Variants in MUC4 observed in about 807,000 individuals in gnomAD.
MUC4 encodes mucin 4, cell surface associated, also known as mucin-4.
MUC4 carries 202 observed loss-of-function variants against 257.9 expected under a neutral mutation model. That is an observed-to-expected ratio of 0.78 (90% CI 0.70 to 0.88). The LOEUF is 0.88. Among genes scored for constraint, MUC4 ranks in the 40% least tolerant of loss-of-function variants. MUC4 has a pLI of 0.00. For missense variants in MUC4, 5,976 were observed against 6,513.7 expected (o/e 0.92, Z 2.84); for synonymous variants, 2,351 against 2,757.1 (o/e 0.85, Z 4.62).
chr3:195,774,901 C>CAAAAAAAAAA (rs10666795), intron 3 of MUC4, among the ~76,000 whole-genome samples: 1 of 118,560 alleles, frequency 8.4e-6, no homozygotes. Context: ...AACTCCATCT[C>CAAAAAAAAAA]AAAAAAAAAA....
rs1215311234 is a variant in MUC4, at chr3:195,761,100, C to T, written c.14632G>A (p.Gly4878Ser). The change falls in exon 16 of 25, where the codon GGC becomes AGC. Residue 4878 changes from glycine (G) to serine (S), a missense_variant. Transcript: ENST00000463781. The part of the protein sequence containing the change: ...FGMTWQINGT[G>S]LLGKRNDQLP... ...TGGTCATTCCTCTTGCCAAGGAGGC[C>T]TGTCCCGTTGATCTGCCCTGTAACA... 1 of 1,614,186 alleles carries T rather than the reference C, an allele frequency of 6.2e-7. No individual in the cohort carries two copies. The highest frequency in any genetic ancestry group is 8.5e-7 in the Non-Finnish European group (1 of 1,180,014).
chr3:195,798,035 T>A (rs1424483066), intron 1 of MUC4, among the ~76,000 whole-genome samples: 1 of 152,182 alleles, frequency 6.6e-6, no homozygotes, highest in Non-Finnish European at 1.5e-5. Flanking sequence ...GGAGGATCAC[T>A]TGAGCCCAAG....
In MUC4 at chr3:195,747,111, T is replaced by C. The variant is rs1715177270; in HGVS notation, c.*65A>G. Reference sequence around the variant, plus strand: ...CCCTTTTCCAGTCTCCCAAAAGCAATGGCGCCTTAAATGTGCGGTAAGGAT... The same window carrying C: ...CCCTTTTCCAGTCTCCCAAAAGCAACGGCGCCTTAAATGTGCGGTAAGGAT... On this transcript the variant is annotated 3_prime_UTR_variant, in exon 25 of 25. Coordinates refer to ENST00000463781, the MANE Select transcript of MUC4 (RefSeq NM_018406.7). 6 of 1,591,748 alleles carry C rather than the reference T, an allele frequency of 3.8e-6. No homozygotes were observed. The South Asian group carries it at 5.6e-5, about 15-fold the overall frequency.
At chr3:195,754,952 G>GTATCCATGTGTGTA (rs145626562) in intron 18 of MUC4, among the ~76,000 whole-genome samples, 3 of 129,282 alleles carry the variant, frequency 2.3e-5, no homozygotes, top group African/African-American at 5.4e-5. Flanking sequence ...ATCCATATGT[G>GTATCCATGTGTGTA]TGTATCCATG....
intron 4 of MUC4, 99 bp downstream of exon 4, chr3:195,774,073 G>A: frequency 7.2e-7 from 1 of 1,383,420 alleles, no homozygotes; most frequent in South Asian, 1.5e-5. Context: ...GCCCAGCCAA[G>A]GCTGCTTCCA....
chr3:195,794,876 A>G (rs539834259), intron 1 of MUC4, among the ~76,000 whole-genome samples: 1 of 152,328 alleles, frequency 6.6e-6, no homozygotes, highest in East Asian at 1.9e-4. Flanking sequence ...AAGCTTCTGC[A>G]CTTCATTAAT....
At chr3:195,791,745 G>A (rs111715737) in intron 1 of MUC4, among the ~76,000 whole-genome samples, 10,822 of 152,190 alleles carry the variant, frequency 0.071, 500 homozygotes, top group Middle Eastern at 0.2. Context: ...TATACTACAA[G>A]GCTACAGTAA....
At chr3:195,799,363 G>T (rs1176987112) in intron 1 of MUC4, among the ~76,000 whole-genome samples, 1 of 152,066 alleles carries the variant, frequency 6.6e-6, no homozygotes, top group Admixed American at 6.6e-5. Context: ...AGGCTGGAGT[G>T]CAACGGCACG....
In MUC4 at chr3:195,783,343, G is replaced by T. The variant is rs1181925271; in HGVS notation, c.8237C>A (p.Ser2746Tyr). The change falls in exon 2 of 25, where the codon TCC becomes TAC. Residue 2746 changes from serine to tyrosine, a missense_variant. Ser to Tyr is a moderately radical substitution (Grantham distance 144). This residue lies in a region of MUC4 where 75 missense variants were observed against 58.7 expected (regional missense o/e 1.28). Coordinates refer to ENST00000463781, the MANE Select transcript of MUC4 (RefSeq NM_018406.7). The stretch of plus-strand genomic sequence containing the variant: ...AGGAAGAGGGGTGGTGTCACCTGTG[G>T]ATACTGAGGAAGTCTCGGTGACAAG... ...PLLVTETSSV[S>Y]TGDTTPLPVT... 2.4e-5 allele frequency: 27 copies of T among 1,128,992 alleles called. No individual in the cohort carries two copies. Among genetic ancestry groups the T allele is most frequent in the African/African-American group, 1.8e-5 (1 of 54,678 alleles). 69.9% of individuals were successfully genotyped at this position (1,128,992 alleles called of 1,614,324 possible). A position where few individuals can be genotyped will look rare whatever the true frequency, so the allele number is the denominator to read the frequency against.
At chr3:195,751,753 A>G (rs1716494085) in intron 21 of MUC4, 1 of 221,166 alleles carries the variant, frequency 4.5e-6, no homozygotes, top group South Asian at 8.9e-5. Flanking sequence ...CTAGGCTTGC[A>G]GTAGTGATAA....
At chr3:195,756,635 C>CT (rs1717716346) in intron 18 of MUC4, among the ~76,000 whole-genome samples, 1 of 127,292 alleles carries the variant, frequency 7.9e-6, no homozygotes, top group Non-Finnish European at 1.6e-5. Flanking sequence ...TCTTTCCCTC[C>CT]TTCTTTCTTT....
At chr3:195,763,839 T>G (rs1286251190) in intron 11 of MUC4, among the ~76,000 whole-genome samples, 198 bp from the exon 12 acceptor site, 1 of 152,142 alleles carries the variant, frequency 6.6e-6, no homozygotes, top group Non-Finnish European at 1.5e-5. Flanking sequence ...CAAGCCTCCT[T>G]GCATTTTCGT....
chr3:195,774,393 C>A, intron 3 of MUC4, 88 bp from the exon 4 acceptor site: 2 of 1,427,158 alleles, frequency 1.4e-6, no homozygotes, highest in Non-Finnish European at 9.2e-7. Flanking sequence ...TCCCTGCAGG[C>A]TGCCCACACC....
intron 1 of MUC4, among the ~76,000 whole-genome samples, chr3:195,807,513 A>G (rs886663347): frequency 2.6e-5 from 4 of 152,102 alleles, no homozygotes; most frequent in African/African-American, 9.7e-5. Context: ...AACAGCAACA[A>G]TAAAAAAACC....
At chr3:195,751,920 C>A in intron 21 of MUC4, 1 of 209,622 alleles carries the variant, frequency 4.8e-6, no homozygotes, top group Non-Finnish European at 9.7e-6. Context: ...AGTTAGCACA[C>A]CTGCTCTAGT....
In MUC4 at chr3:195,747,305, G is replaced by T. The variant is rs150165951; in HGVS notation, c.16110C>A (p.Phe5370Leu). The change falls in exon 25 of 25, where the codon TTC (phenylalanine) becomes TTA (leucine). Residue 5370 changes from phenylalanine to leucine, a missense_variant. By Grantham distance (22) the Phe-to-Leu change is conservative. This residue lies in a region of MUC4 where 310 missense variants were observed against 242.1 expected (regional missense o/e 1.28). Transcript: ENST00000463781. ...CGCCCAGGGCCCCAAAGAAGATGCCGAAGAACGCGTCGAGTTTCATGCTCA... is the reference window on the plus strand; with the variant it reads ...CGCCCAGGGCCCCAAAGAAGATGCCTAAGAACGCGTCGAGTTTCATGCTCA... Reference protein sequence around the residue: ...EHLSMKLDAFFGIFFGALGGL... With the variant: ...EHLSMKLDAFLGIFFGALGGL... The T allele has an allele frequency of 2.5e-6, 4 of 1,614,052 alleles. No individual in the cohort carries two copies. The African/African-American group carries it at 4.0e-5, about 16-fold the overall frequency.
chr3:195,778,702 A>AATGCAC, intron 2 of MUC4, 88 bp downstream of exon 2: 1 of 1,419,334 alleles, frequency 7.0e-7, no homozygotes. Flanking sequence ...AGGTAATGCG[A>AATGCAC]ATGCACCAGT....
intron 5 of MUC4, 21 bp downstream of exon 5, chr3:195,771,631 G>T (rs1416412207): frequency 1.2e-6 from 2 of 1,605,324 alleles, no homozygotes; most frequent in Non-Finnish European, 1.7e-6. Context: ...GATCCTGACT[G>T]CCAGGCTTTG....
Position 195,783,084 on chromosome 3 carries a change from AGAG to A in MUC4, c.8493_8495del (p.Ser2832del). 3.9e-6 allele frequency: 5 copies of A among 1,278,484 alleles called. No homozygotes were observed. Among genetic ancestry groups the A allele is most frequent in the Non-Finnish European group, 4.1e-6 (4 of 982,254 alleles). 79.2% of individuals were successfully genotyped at this position (1,278,484 alleles called of 1,614,324 possible). A position where few individuals can be genotyped will look rare whatever the true frequency, so the allele number is the denominator to read the frequency against. On this transcript the variant is annotated inframe_deletion, in exon 2 of 25. Coordinates refer to ENST00000463781, the MANE Select transcript of MUC4 (RefSeq NM_018406.7). ...CTGAGGAAGGGATGGTGACAGGAAG[AGAG>A]GTGGCATGACCTGTGAACACTGAGG...
Sources: gnomAD v4.1 joint callset for allele counts (sites outside exome capture counted in the v4.1 genomes callset) on GRCh38, gnomAD v4.1.1 for gene constraint, gnomAD v4.1.1 regional missense constraint, MANE v1.5 for transcripts, NCBI Gene and HGNC (gene_info 2026-07-23, HGNC 2026-07-21) for gene names.